Variants in PRORP observed in about 807,000 individuals in gnomAD.
The protein encoded by PRORP is mitochondrial ribonuclease P catalytic subunit.
PRORP carries 51 observed loss-of-function variants against 59.4 expected under a neutral mutation model. That is an observed-to-expected ratio of 0.86 (90% CI 0.69 to 1.08). The LOEUF is 1.08. Among genes scored for constraint, PRORP ranks in the 50% least tolerant of loss-of-function variants. The pLI, the probability that PRORP is intolerant of heterozygous loss-of-function variation, is 0.00. For synonymous variants in PRORP, 231 were observed against 245.6 expected, an observed-to-expected ratio of 0.94 and a Z score of 0.55; for missense variants, 646 against 690.3, an observed-to-expected ratio of 0.94 and a Z score of 0.72.
chr14:35,234,617 T>A (rs903914684), intron 5 of PRORP, among the ~76,000 whole-genome samples: 1 of 151,988 alleles, frequency 6.6e-6, no homozygotes, highest in African/African-American at 2.4e-5. Context: ...CATTTTTTTT[T>A]AGACTTCAAA....
intron 4 of PRORP, among the ~76,000 whole-genome samples, chr14:35,132,811 A>G (rs12893098): frequency 6.6e-6 from 1 of 151,556 alleles, no homozygotes; most frequent in East Asian, 1.9e-4. Context: ...GGGAAGAAGG[A>G]AAGGAAAGGA....
chr14:35,193,993 T>A (rs1327132215), intron 5 of PRORP, among the ~76,000 whole-genome samples: 1 of 152,160 alleles, frequency 6.6e-6, no homozygotes, highest in African/African-American at 2.4e-5. Flanking sequence ...GGAATTTTTT[T>A]TTCTTTTTCA....
At chr14:35,161,157 T>C (rs2048049362) in intron 4 of PRORP, among the ~76,000 whole-genome samples, 1 of 152,230 alleles carries the variant, frequency 6.6e-6, no homozygotes, top group Non-Finnish European at 1.5e-5. Context: ...CAAAGAGTTA[T>C]AAATGTTGAC....
intron 5 of PRORP, among the ~76,000 whole-genome samples, chr14:35,263,359 C>G (rs936630840): frequency 1.3e-5 from 2 of 151,994 alleles, no homozygotes; most frequent in African/African-American, 4.8e-5. Context: ...GTAGAGCCAG[C>G]ATATATGTTT....
rs542271147 is a variant in PRORP, at chr14:35,185,885, T to G, written c.1275+5108T>G. Among the ~76,000 whole-genome samples, 9 of 152,346 alleles carry G rather than the reference T, an allele frequency of 5.9e-5. No individual in the cohort carries two copies. In the South Asian group the frequency reaches 8.3e-4, roughly 14 times the overall value. The stretch of plus-strand genomic sequence containing the variant: ...GTTAATTGTGATTCCAAAACAAGAT[T>G]ATGGTATGAACTATATGGATTAATG... On this transcript the variant is annotated intron_variant, in intron 5 of 7. Transcript: ENST00000534898.
At chr14:35,136,470 G>T (rs2047376551) in intron 4 of PRORP, among the ~76,000 whole-genome samples, 1 of 146,110 alleles carries the variant, frequency 6.8e-6, no homozygotes. Flanking sequence ...CGCCTCTCGG[G>T]TTTAAGCAAT....
chr14:35,128,925 G>A (rs866918583), intron 4 of PRORP, among the ~76,000 whole-genome samples: 3 of 151,906 alleles, frequency 2.0e-5, no homozygotes, highest in Non-Finnish European at 4.4e-5. Context: ...GGCCGGGCGC[G>A]ATGGCTCATG....
At chr14:35,159,338 A>ACTT (rs889835231) in intron 4 of PRORP, among the ~76,000 whole-genome samples, 7 of 152,046 alleles carry the variant, frequency 4.6e-5, no homozygotes, top group Admixed American at 3.9e-4. Context: ...TCTAAAATAT[A>ACTT]CTTCTACCTC....
intron 4 of PRORP, among the ~76,000 whole-genome samples, chr14:35,166,213 G>A (rs1295194604): frequency 6.6e-6 from 1 of 151,984 alleles, no homozygotes; most frequent in African/African-American, 2.4e-5. Flanking sequence ...TGAAATACAT[G>A]TTCTAGTATA....
chr14:35,163,388 G>T (rs2048109529), intron 4 of PRORP, among the ~76,000 whole-genome samples: 1 of 152,088 alleles, frequency 6.6e-6, no homozygotes, highest in Non-Finnish European at 1.5e-5. Context: ...TTGATCTCAT[G>T]ACCTAGTAAG....
At position 35,123,166 on chromosome 14, in the gene PRORP, C is replaced by T. The variant is rs2046979873; in HGVS notation, c.-80C>T. On this transcript the variant is annotated 5_prime_UTR_variant, in exon 2 of 8. Transcript: ENST00000534898. ...TCCACTTCGACTCTGCACCGCCGACCCCCAATCTCTTTAATTTTGCCATAG... is the reference window on the plus strand; with the variant it reads ...TCCACTTCGACTCTGCACCGCCGACTCCCAATCTCTTTAATTTTGCCATAG... 1.4e-6 allele frequency: 2 copies of T among 1,428,798 alleles called. No homozygotes were observed. Among genetic ancestry groups the T allele is most frequent in the South Asian group, 1.3e-5 (1 of 77,082 alleles). The allele number at this position is 1,428,798 out of a possible 1,614,324, so 88.5% of individuals were successfully genotyped here.
rs556279000 is a variant in PRORP at position 35,176,641 on chromosome 14, GC to G, written c.1168-4028del. Among the ~76,000 whole-genome samples the G allele has an allele frequency of 4.6e-5, 7 of 152,276 alleles. No homozygotes were observed. The East Asian group carries it at 1.3e-3, about 29-fold the overall frequency. On this transcript the variant is annotated intron_variant, in intron 4 of 7. Transcript: ENST00000534898. ...GCTTATCAGCTTAAGGAGATTTTGGGCTGAGACAATGGGGTTTTCTAAATAT... is the reference window on the plus strand; with the variant it reads ...GCTTATCAGCTTAAGGAGATTTTGGGTGAGACAATGGGGTTTTCTAAATAT...
chr14:35,264,565 T>A (rs548021456), intron 5 of PRORP, among the ~76,000 whole-genome samples: 101 of 152,282 alleles, frequency 6.6e-4, no homozygotes, highest in African/African-American at 2.3e-3. Context: ...GCCCATTCTA[T>A]GTCTTAATTA....
At chr14:35,207,790 T>G (rs1206843456) in intron 5 of PRORP, among the ~76,000 whole-genome samples, 2 of 152,216 alleles carry the variant, frequency 1.3e-5, no homozygotes, top group Admixed American at 1.3e-4. Context: ...TTGATGAGTT[T>G]CATTTTTCTG....
intron 2 of PRORP, among the ~76,000 whole-genome samples, chr14:35,126,409 G>A (rs1347771985): frequency 6.6e-6 from 1 of 152,180 alleles, no homozygotes; most frequent in Non-Finnish European, 1.5e-5. Flanking sequence ...CTCGGCAGGA[G>A]CAATTTCTGG....
At chr14:35,170,911 G>T (rs187460645) in intron 4 of PRORP, among the ~76,000 whole-genome samples, 7 of 149,404 alleles carry the variant, frequency 4.7e-5, no homozygotes, top group Admixed American at 4.0e-4. Flanking sequence ...GTGTAATGGC[G>T]CAATCTCGGC....
intron 5 of PRORP, among the ~76,000 whole-genome samples, chr14:35,204,578 A>G (rs2049242142): frequency 6.6e-6 from 1 of 152,168 alleles, no homozygotes; most frequent in Admixed American, 6.5e-5. Context: ...TGGGTGTTTC[A>G]GAAGTACAAA....
At chr14:35,231,659 G>C (rs1339335609) in intron 5 of PRORP, among the ~76,000 whole-genome samples, 1 of 152,122 alleles carries the variant, frequency 6.6e-6, no homozygotes, top group East Asian at 1.9e-4. Flanking sequence ...GACAGATAGA[G>C]GCGCCAACTC....
At chr14:35,221,050 A>C (rs1360090986) in intron 5 of PRORP, among the ~76,000 whole-genome samples, 1 of 152,186 alleles carries the variant, frequency 6.6e-6, no homozygotes, top group Non-Finnish European at 1.5e-5. Context: ...AGCCAGTACA[A>C]ATGCCCACAA....
Sources: allele counts gnomAD v4.1 joint callset (sites outside exome capture counted in the v4.1 genomes callset), GRCh38; gene constraint gnomAD v4.1.1; transcripts MANE v1.5; gene names NCBI Gene and HGNC (gene_info 2026-07-23, HGNC 2026-07-21).